CMKLR2: variants seen among roughly 807,000 people sequenced by gnomAD.
The protein encoded by CMKLR2 is chemerin chemokine-like receptor 2, also known as chemerin-like receptor 2.
CMKLR2 carries 18 observed loss-of-function variants against 23.0 expected under a neutral mutation model. The ratio of observed to expected loss-of-function variants is 0.78; its 90% CI spans 0.54 to 1.16. The LOEUF (loss-of-function observed/expected upper bound fraction) is 1.16. CMKLR2 is among the 50% of genes most tolerant of loss of function. The pLI, the probability that CMKLR2 is intolerant of heterozygous loss-of-function variation, is 0.00. For missense variants in CMKLR2, 401 were observed against 412.7 expected (o/e 0.97, Z 0.25); for synonymous variants, 158 against 158.9 (o/e 0.99, Z 0.05).
rs71034423 is a variant in CMKLR2 at position 206,207,728 on chromosome 2, C to CTT, written c.-29+5577_-29+5578dup. Among the ~76,000 whole-genome samples, 407 of 43,534 alleles carry CTT rather than the reference C, an allele frequency of 9.3e-3. 46 individuals are homozygous for CTT. Among genetic ancestry groups the CTT allele is most frequent in the Non-Finnish European group, 0.012 (319 of 26,960 alleles). The allele number at this position is 43,534 out of a possible 152,430, so 28.6% of individuals were successfully genotyped here. ...ATCTGGGTCTGTCTGACCTCAGGGC[C>CTT]TTTTTTTTTTTTTTTTTTTTTTTTT... is the stretch of plus-strand genomic sequence containing the variant. On this transcript the variant is annotated intron_variant, in intron 1 of 1. Transcript: ENST00000621141.
chr2:206,186,912 G>C (rs1688598097), intron 1 of CMKLR2, among the ~76,000 whole-genome samples: 2 of 151,832 alleles, frequency 1.3e-5, no homozygotes, highest in Non-Finnish European at 2.9e-5. Flanking sequence ...AGTAGGCCAG[G>C]CACAGGGGCC....
chr2:206,193,936 T>C (rs184430659), intron 1 of CMKLR2, among the ~76,000 whole-genome samples: 2 of 152,312 alleles, frequency 1.3e-5, no homozygotes, highest in African/African-American at 4.8e-5. Flanking sequence ...GTCAGTGACA[T>C]TGATAGAAGT....
chr2:206,193,637 G>A (rs1156690805), intron 1 of CMKLR2, among the ~76,000 whole-genome samples: 3 of 152,158 alleles, frequency 2.0e-5, no homozygotes, highest in Non-Finnish European at 4.4e-5. Context: ...GTTATGTATC[G>A]TAACGTAACA....
intron 1 of CMKLR2, among the ~76,000 whole-genome samples, chr2:206,198,042 G>A (rs1688974540): frequency 6.6e-6 from 1 of 152,186 alleles, no homozygotes; most frequent in Non-Finnish European, 1.5e-5. Flanking sequence ...CAAAAGTTCA[G>A]ATTGTATGAT....
At chr2:206,178,013 C>T (rs897397349) in intron 1 of CMKLR2, among the ~76,000 whole-genome samples, 6 of 152,202 alleles carry the variant, frequency 3.9e-5, no homozygotes, top group Admixed American at 3.3e-4. Flanking sequence ...CAGTGGCTCA[C>T]ACCTGTAATC....
chr2:206,205,751 G>A (rs1689290713), intron 1 of CMKLR2, among the ~76,000 whole-genome samples: 2 of 151,970 alleles, frequency 1.3e-5, no homozygotes, highest in African/African-American at 2.4e-5. Flanking sequence ...CCAGGCTGGA[G>A]TGCAATGGCG....
intron 1 of CMKLR2, among the ~76,000 whole-genome samples, chr2:206,209,996 C>G (rs538837743): frequency 5.4e-5 from 8 of 148,552 alleles, no homozygotes; most frequent in African/African-American, 2.0e-4. Context: ...CAGAGTCTCA[C>G]TCTGTCACCC....
At chr2:206,191,664 T>C (rs1688750801) in intron 1 of CMKLR2, among the ~76,000 whole-genome samples, 1 of 147,428 alleles carries the variant, frequency 6.8e-6, no homozygotes, top group South Asian at 2.1e-4. Flanking sequence ...CTCTTACTTC[T>C]CTTTCTTTTT....
chr2:206,214,687 G>C (rs962503643), upstream of CMKLR2, among the ~76,000 whole-genome samples: 1 of 151,822 alleles, frequency 6.6e-6, no homozygotes, highest in African/African-American at 2.4e-5. Context: ...GCAGTGGCAC[G>C]ATCTCGGCTC....
chr2:206,205,514 C>T (rs148142212), intron 1 of CMKLR2, among the ~76,000 whole-genome samples: 96 of 151,922 alleles, frequency 6.3e-4, no homozygotes, highest in African/African-American at 2.2e-3. Flanking sequence ...AGGTGCTCAC[C>T]ACCACACCCG....
chr2:206,190,259 A>G lies in CMKLR2; in HGVS notation c.-28-12984T>C, dbSNP rs1235018501. On this transcript the variant is annotated intron_variant, in intron 1 of 1. Coordinates refer to ENST00000621141, the MANE Select transcript of CMKLR2 (RefSeq NM_001389445.1). ...TTCTGATTTGGCTCGAGAAGGGACA[A>G]CATAAATGGGAGTGTTCTGATGACA... 3.3e-5 allele frequency among the ~76,000 whole-genome samples: 5 copies of G among 152,324 alleles called. No individual in the cohort carries two copies. In the South Asian group the frequency reaches 8.3e-4, roughly 25 times the overall value.
chr2:206,215,097 G>C (rs146670000), upstream of CMKLR2, among the ~76,000 whole-genome samples: 169 of 152,190 alleles, frequency 1.1e-3, no homozygotes, highest in Non-Finnish European at 2.1e-3. Flanking sequence ...GTGGAGGTCG[G>C]GGGTAGGGGG....
chr2:206,177,717 G>T (rs1053222185), intron 1 of CMKLR2, among the ~76,000 whole-genome samples: 1 of 152,076 alleles, frequency 6.6e-6, no homozygotes, highest in African/African-American at 2.4e-5. Flanking sequence ...AGGACTTGTG[G>T]TTATACTCCA....
intron 1 of CMKLR2, among the ~76,000 whole-genome samples, chr2:206,180,486 A>T (rs1688374618): frequency 6.6e-6 from 1 of 152,130 alleles, no homozygotes; most frequent in South Asian, 2.1e-4. Context: ...CCAGGTCAGA[A>T]CGCAGTGGCA....
chr2:206,206,671 G>A (rs147378205), intron 1 of CMKLR2, among the ~76,000 whole-genome samples: 14 of 152,190 alleles, frequency 9.2e-5, no homozygotes, highest in South Asian at 4.1e-4. Context: ...GTCTGTCTCC[G>A]CCACCAACCT....
At chr2:206,206,725 C>T (rs1466010448) in intron 1 of CMKLR2, among the ~76,000 whole-genome samples, 1 of 152,164 alleles carries the variant, frequency 6.6e-6, no homozygotes, top group Non-Finnish European at 1.5e-5. Flanking sequence ...AGCACAGTGC[C>T]TGGCAAACTG....
At chr2:206,190,585 A>G (rs1470444181) in intron 1 of CMKLR2, among the ~76,000 whole-genome samples, 2 of 152,222 alleles carry the variant, frequency 1.3e-5, no homozygotes, top group East Asian at 3.8e-4. Context: ...CAGGAAGCTT[A>G]GCTGAATTGC....
intron 1 of CMKLR2, among the ~76,000 whole-genome samples, chr2:206,179,900 G>A (rs1401410887): frequency 6.6e-6 from 1 of 152,060 alleles, no homozygotes; most frequent in South Asian, 2.1e-4. Flanking sequence ...ATCCTGTGTT[G>A]CTCACAGGCA....
chr2:206,180,494 G>A (rs1008051529), intron 1 of CMKLR2, among the ~76,000 whole-genome samples: 2 of 152,086 alleles, frequency 1.3e-5, no homozygotes, highest in African/African-American at 4.8e-5. Flanking sequence ...GAACGCAGTG[G>A]CACAATCATA....
Sources: gnomAD v4.1 joint callset for allele counts (sites outside exome capture counted in the v4.1 genomes callset) on GRCh38, gnomAD v4.1.1 for gene constraint, MANE v1.5 for transcripts, NCBI Gene and HGNC (gene_info 2026-07-23, HGNC 2026-07-21) for gene names.